AGO3: variants seen among roughly 807,000 people sequenced by gnomAD.
AGO3 encodes argonaute RISC catalytic component 3.
In AGO3, 16 loss-of-function variants were observed where a neutral mutation model predicts 105.5. That is an observed-to-expected ratio of 0.15 (90% CI 0.10 to 0.23). The LOEUF is 0.23. Ranked by LOEUF, AGO3 falls within the 10% of genes least tolerant of loss-of-function variation. The pLI is 1.00. For synonymous variants in AGO3, 340 were observed against 367.3 expected (o/e 0.93, Z 0.85); for missense variants, 534 against 1,088.0 (o/e 0.49, Z 7.16).
intron 2 of AGO3, among the ~76,000 whole-genome samples, chr1:35,949,643 A>T: frequency 6.6e-6 from 1 of 152,208 alleles, no homozygotes; most frequent in Non-Finnish European, 1.5e-5. Flanking sequence ...TTTAAAAGTC[A>T]GGGTCTCAAT....
intron 5 of AGO3, among the ~76,000 whole-genome samples, chr1:36,003,709 A>AAC (rs1295618675): frequency 1.0e-5 from 1 of 99,446 alleles, no homozygotes; most frequent in African/African-American, 4.0e-5. Flanking sequence ...AAAAAAAAAA[A>AAC]ATATATATAT....
intron 6 of AGO3, among the ~76,000 whole-genome samples, chr1:36,005,338 C>T (rs747215270): frequency 3.9e-5 from 6 of 152,160 alleles, no homozygotes; most frequent in Non-Finnish European, 8.8e-5. Context: ...TAGTTTAATA[C>T]ATTCTGCTTG....
At chr1:36,028,035 A>G (rs976629211) in intron 12 of AGO3, among the ~76,000 whole-genome samples, 1 of 151,786 alleles carries the variant, frequency 6.6e-6, no homozygotes, top group Non-Finnish European at 1.5e-5. Flanking sequence ...GACAATATTT[A>G]TGTATGTATG....
At chr1:35,987,812 G>A (rs1647261359) in intron 5 of AGO3, among the ~76,000 whole-genome samples, 3 of 151,438 alleles carry the variant, frequency 2.0e-5, no homozygotes, top group Non-Finnish European at 2.9e-5. Flanking sequence ...GCTCACACCT[G>A]TAATCCCAGC....
intron 1 of AGO3, among the ~76,000 whole-genome samples, chr1:35,936,127 G>A (rs1466585844): frequency 6.6e-6 from 1 of 152,054 alleles, no homozygotes; most frequent in Non-Finnish European, 1.5e-5. Context: ...AAAGAATATT[G>A]TGTGGTTTTT....
At chr1:36,002,123 G>A (rs1443079439) in intron 5 of AGO3, among the ~76,000 whole-genome samples, 3 of 152,062 alleles carry the variant, frequency 2.0e-5, no homozygotes, top group Non-Finnish European at 4.4e-5. Context: ...GGGTTCAGGC[G>A]ATTCTCTGGC....
At chr1:35,941,232 C>G (rs1185394615) in intron 1 of AGO3, among the ~76,000 whole-genome samples, 5 of 152,078 alleles carry the variant, frequency 3.3e-5, no homozygotes, top group Non-Finnish European at 7.4e-5. Flanking sequence ...TTTAACAATT[C>G]CTGTCAGGCC....
At chr1:36,039,647 C>T (rs961479693) in intron 14 of AGO3, 143 bp from the exon 15 acceptor site, 24 of 577,978 alleles carry the variant, frequency 4.2e-5, no homozygotes, top group Non-Finnish European at 5.8e-5. Flanking sequence ...ATACCCAACT[C>T]AGAATTACTA....
At position 36,062,057 on chromosome 1, in the gene AGO3, C is replaced by G. The variant is rs1468438820; in HGVS notation, c.*6312C>G. On this transcript the variant is annotated 3_prime_UTR_variant, in exon 19 of 19. Transcript: ENST00000373191. ...GAGGAAATCCATAATGCACATAAAA[C>G]AGCAAACCTACTTAACTTTTTAACA... is the stretch of plus-strand genomic sequence containing the variant. 1 of 151,784 alleles carries G rather than the reference C, an allele frequency of 6.6e-6. No individual in the cohort carries two copies. The highest frequency in any genetic ancestry group is 1.5e-5 in the Non-Finnish European group (1 of 68,000). 9.4% of individuals were successfully genotyped at this position (151,784 alleles called of 1,614,324 possible).
At chr1:36,053,234 G>A (rs1313754790) in intron 17 of AGO3, among the ~76,000 whole-genome samples, 1 of 151,416 alleles carries the variant, frequency 6.6e-6, no homozygotes, top group Non-Finnish European at 1.5e-5. Context: ...GAAACCTTAG[G>A]GAACAGTTTT....
At chr1:36,017,917 C>A (rs2148823776) in intron 11 of AGO3, among the ~76,000 whole-genome samples, 1 of 151,498 alleles carries the variant, frequency 6.6e-6, no homozygotes, top group South Asian at 2.1e-4. Flanking sequence ...AAGGAAAAAA[C>A]ACACCATAGA....
rs1040656252 is a variant in AGO3 at position 36,058,174 on chromosome 1, A to G, written c.*2429A>G. 26 of 152,228 alleles carry G rather than the reference A, an allele frequency of 1.7e-4. No individual in the cohort carries two copies. Among genetic ancestry groups the G allele is most frequent in the African/African-American group, 6.0e-4 (25 of 41,468 alleles). The allele number at this position is 152,228 out of a possible 1,614,324, so 9.4% of individuals were successfully genotyped here. A position where few individuals can be genotyped will look rare whatever the true frequency, so the allele number is the denominator to read the frequency against. On this transcript the variant is annotated 3_prime_UTR_variant, in exon 19 of 19. Transcript: ENST00000373191. ...TTACTAAAATGAATCAGGAAAATGC[A>G]AGATGATATTTTAAAACTTTTGCTA...
intron 2 of AGO3, among the ~76,000 whole-genome samples, chr1:35,959,494 T>C (rs926870563): frequency 6.6e-6 from 1 of 152,246 alleles, no homozygotes; most frequent in East Asian, 1.9e-4. Context: ...GACATTCTTA[T>C]CTGTGTTTAC....
intron 11 of AGO3, among the ~76,000 whole-genome samples, chr1:36,026,279 C>T (rs965897261): frequency 6.6e-6 from 1 of 151,636 alleles, no homozygotes; most frequent in South Asian, 2.1e-4. Context: ...AGACTAGTTT[C>T]GTATTTTTAG....
intron 17 of AGO3, among the ~76,000 whole-genome samples, chr1:36,045,503 T>G (rs1223118474): frequency 6.6e-6 from 1 of 150,880 alleles, no homozygotes; most frequent in Admixed American, 6.6e-5. Context: ...ATTACAGACA[T>G]GAGCCACCAT....
chr1:35,972,856 A>ATT lies in AGO3; in HGVS notation c.522-499_522-498dup, dbSNP rs1165696072. ...ATCATGCCTGACTAATTAAAAAAAA[A>ATT]TTTTTTTTTTTTTTTTTTTTTGTAG... On this transcript the variant is annotated intron_variant, in intron 4 of 18. Coordinates refer to ENST00000373191, the MANE Select transcript of AGO3 (RefSeq NM_024852.4). 0.056 allele frequency among the ~76,000 whole-genome samples: 6,867 copies of ATT among 122,764 alleles called. 930 individuals are homozygous for ATT. The East Asian group carries it at 0.56, about 10-fold the overall frequency. 80.5% of individuals were successfully genotyped at this position (122,764 alleles called of 152,430 possible).
rs1405393585 is a variant in AGO3 at position 36,056,568 on chromosome 1, A to G, written c.*823A>G. On this transcript the variant is annotated 3_prime_UTR_variant, in exon 19 of 19. Transcript: ENST00000373191. ...TGTCTTAAGAAACAAAATTTTATAT[A>G]TATATGTATACATACATACACAGAC... The G allele has an allele frequency of 3.9e-5, 6 of 152,104 alleles. No individual in the cohort carries two copies. Among genetic ancestry groups the G allele is most frequent in the Non-Finnish European group, 7.4e-5 (5 of 68,026 alleles). 9.4% of individuals were successfully genotyped at this position (152,104 alleles called of 1,614,324 possible).
intron 5 of AGO3, among the ~76,000 whole-genome samples, chr1:35,974,844 GC>G (rs1354897086): frequency 2.9e-4 from 44 of 152,058 alleles, no homozygotes; most frequent in Admixed American, 2.6e-3. Context: ...AAGCTTTCTT[GC>G]TTTCGGGCAC....
chr1:36,032,651 ATTACAGGTGTGAGACATTGC>A (rs1265882934), intron 12 of AGO3, among the ~76,000 whole-genome samples: 7 of 149,492 alleles, frequency 4.7e-5, no homozygotes, highest in South Asian at 2.4e-4. Flanking sequence ...AAGTGCTGGG[ATTACAGGTGTGAGACATTGC>A]ACCCATTTTT....
Sources: allele counts gnomAD v4.1 joint callset (sites outside exome capture counted in the v4.1 genomes callset), GRCh38; gene constraint gnomAD v4.1.1; transcripts MANE v1.5; gene names NCBI Gene and HGNC (gene_info 2026-07-23, HGNC 2026-07-21).